The following FHIT variants were observed in gnomAD, a reference collection of about 807,000 sequenced individuals.
FHIT encodes the protein fragile histidine triad diadenosine triphosphatase, also known as bis(5'-adenosyl)-triphosphatase.
In FHIT, 19 loss-of-function variants were observed where a neutral mutation model predicts 17.9. The ratio of observed to expected loss-of-function variants is 1.06; its 90% CI spans 0.74 to 1.56. FHIT has a LOEUF of 1.56. Ranked by LOEUF, FHIT falls within the 40% of genes most tolerant of loss-of-function variation. The pLI, the probability that FHIT is intolerant of heterozygous loss-of-function variation, is 0.00. For synonymous variants in FHIT, 81 were observed against 69.7 expected (o/e 1.16, Z -0.81); for missense variants, 248 against 189.2 (o/e 1.31, Z -1.82).
intron 8 of FHIT, among the ~76,000 whole-genome samples, chr3:59,786,138 A>T (rs959202202): frequency 6.6e-6 from 1 of 152,214 alleles, no homozygotes; most frequent in East Asian, 1.9e-4. Context: ...GGTCTGGGCC[A>T]CACCAAAAGT....
At chr3:60,860,148 G>GATA (rs1559778053) in intron 3 of FHIT, among the ~76,000 whole-genome samples, 2 of 75,872 alleles carry the variant, frequency 2.6e-5, no homozygotes, top group African/African-American at 1.4e-4. Flanking sequence ...TATACATATG[G>GATA]TATATATGAT....
At chr3:60,691,287 A>G (rs2040982951) in intron 4 of FHIT, among the ~76,000 whole-genome samples, 1 of 151,602 alleles carries the variant, frequency 6.6e-6, no homozygotes, top group Admixed American at 6.6e-5. Flanking sequence ...ATTTTTAATC[A>G]TCTCTTTTGT....
intron 8 of FHIT, among the ~76,000 whole-genome samples, chr3:59,868,056 A>AAAC (rs1168569682): frequency 0.013 from 1,900 of 151,322 alleles, 51 homozygotes; most frequent in African/African-American, 0.044. Context: ...TTAAAAAAAA[A>AAAC]AAAAAAAAAA....
At chr3:60,125,054 C>A (rs1559655007) in intron 5 of FHIT, among the ~76,000 whole-genome samples, 1 of 152,218 alleles carries the variant, frequency 6.6e-6, no homozygotes. Flanking sequence ...ATATTATATA[C>A]TGAACTCATT....
At chr3:61,117,650 G>A (rs909617067) in intron 2 of FHIT, among the ~76,000 whole-genome samples, 3 of 152,162 alleles carry the variant, frequency 2.0e-5, no homozygotes, top group African/African-American at 7.2e-5. Flanking sequence ...ATTTTTATCT[G>A]ACGAGTGGTT....
At chr3:60,155,216 A>C (rs1478830864) in intron 5 of FHIT, among the ~76,000 whole-genome samples, 2 of 150,160 alleles carry the variant, frequency 1.3e-5, no homozygotes, top group Non-Finnish European at 1.5e-5. Flanking sequence ...GCCATTCTCC[A>C]TTAAGAGCAT....
intron 5 of FHIT, among the ~76,000 whole-genome samples, chr3:60,453,445 C>T (rs557057433): frequency 2.0e-5 from 3 of 152,272 alleles, no homozygotes; most frequent in African/African-American, 7.2e-5. Flanking sequence ...GCTCCAATGC[C>T]TCCGCCAGGC....
chr3:59,849,602 G>A (rs985934649), intron 8 of FHIT, among the ~76,000 whole-genome samples: 2 of 152,090 alleles, frequency 1.3e-5, no homozygotes, highest in South Asian at 2.1e-4. Flanking sequence ...CTAGGAATTC[G>A]TTTCCTAAAC....
At chr3:61,185,968 C>T (rs975429144) in intron 2 of FHIT, among the ~76,000 whole-genome samples, 1 of 152,034 alleles carries the variant, frequency 6.6e-6, no homozygotes, top group African/African-American at 2.4e-5. Context: ...ATAGACTGAA[C>T]CTTACAAAAA....
intron 5 of FHIT, among the ~76,000 whole-genome samples, chr3:60,127,520 A>C (rs1156512260): frequency 2.0e-5 from 3 of 152,214 alleles, no homozygotes; most frequent in Non-Finnish European, 4.4e-5. Context: ...ATTCATATTC[A>C]ACAAGTTTAC....
chr3:60,324,573 G>GGAAAAA (rs757433390), intron 5 of FHIT, among the ~76,000 whole-genome samples: 21,479 of 128,690 alleles, frequency 0.17, 1,969 homozygotes, highest in African/African-American at 0.18. Flanking sequence ...GACTCCATCA[G>GGAAAAA]AAAAAAAAAA....
At position 60,793,771 on chromosome 3, in the gene FHIT, T is replaced by C. The variant is rs79857859; in HGVS notation, c.-18+28148A>G. Among the ~76,000 whole-genome samples, 214 of 152,284 alleles carry C rather than the reference T, an allele frequency of 1.4e-3. 1 individual carries two copies. The highest frequency in any genetic ancestry group is 5.1e-3 in the African/African-American group (212 of 41,562). On this transcript the variant is annotated intron_variant, in intron 4 of 9. Transcript: ENST00000492590. The stretch of plus-strand genomic sequence containing the variant: ...AAGGAAACTGGGCTTTCACTCTCAC[T>C]CACCAATCACTCTGCAGCTAAGAGC...
intron 3 of FHIT, chr3:60,912,693 G>C (rs1317014863): frequency 2.0e-6 from 1 of 497,076 alleles, no homozygotes; most frequent in African/African-American, 2.0e-5. Context: ...GACACCAGAG[G>C]AATCTATGTA....
intron 5 of FHIT, among the ~76,000 whole-genome samples, chr3:60,128,506 A>G (rs13087782): frequency 0.45 from 67,955 of 152,040 alleles, 15,479 homozygotes; most frequent in African/African-American, 0.49. Flanking sequence ...CCAGTCTCGG[A>G]TATGTCTATT....
intron 8 of FHIT, among the ~76,000 whole-genome samples, chr3:59,892,500 G>A (rs571636144): frequency 6.6e-6 from 1 of 152,208 alleles, no homozygotes; most frequent in South Asian, 2.1e-4. Context: ...TAAATTTAAA[G>A]TGATCACTTT....
intron 3 of FHIT, among the ~76,000 whole-genome samples, chr3:60,923,944 T>C (rs1356696843): frequency 6.6e-6 from 1 of 152,152 alleles, no homozygotes; most frequent in Admixed American, 6.5e-5. Context: ...CCTACGCCCA[T>C]GGAGCCTCCC....
At chr3:60,422,010 C>T (rs1702489600) in intron 5 of FHIT, among the ~76,000 whole-genome samples, 2 of 152,072 alleles carry the variant, frequency 1.3e-5, no homozygotes, top group Admixed American at 6.6e-5. Context: ...GCTAAAAGGA[C>T]ATATTGGAGA....
At chr3:60,002,575 T>G (rs911880248) in intron 7 of FHIT, among the ~76,000 whole-genome samples, 1 of 152,058 alleles carries the variant, frequency 6.6e-6, no homozygotes, top group East Asian at 1.9e-4. Flanking sequence ...CATTATAGAG[T>G]CTCACCATCC....
At chr3:60,918,834 T>A (rs1707138893) in intron 3 of FHIT, among the ~76,000 whole-genome samples, 1 of 152,254 alleles carries the variant, frequency 6.6e-6, no homozygotes, top group South Asian at 2.1e-4. Context: ...CAGCATTAAT[T>A]GTTAAACACC....
Sources: gnomAD v4.1 joint callset for allele counts (sites outside exome capture counted in the v4.1 genomes callset) on GRCh38, gnomAD v4.1.1 for gene constraint, MANE v1.5 for transcripts, NCBI Gene and HGNC (gene_info 2026-07-23, HGNC 2026-07-21) for gene names.